The following ADAMTS7 variants were observed in gnomAD, a reference collection of about 807,000 sequenced individuals.
ADAMTS7 encodes ADAM metallopeptidase with thrombospondin type 1 motif 7.
A neutral mutation model predicts 172.6 loss-of-function variants in ADAMTS7; 89 were observed. The observed-to-expected ratio is 0.52, with a 90% confidence interval of 0.43 to 0.61. ADAMTS7 has a LOEUF of 0.61. ADAMTS7 is among the 20% of genes least tolerant of loss of function. The pLI is 0.00. For synonymous variants in ADAMTS7, 885 were observed against 978.4 expected (o/e 0.90, Z 1.78); for missense variants, 1,973 against 2,355.6 (o/e 0.84, Z 3.36).
rs1475383517 is a variant in ADAMTS7, at chr15:78,764,953, T to C, written c.4267-246A>G. The C allele has an allele frequency of 5.3e-5, 23 of 437,396 alleles. No homozygotes were observed. The Admixed American group carries it at 8.7e-4, about 17-fold the overall frequency. 27.1% of individuals were successfully genotyped at this position (437,396 alleles called of 1,614,324 possible). A position where few individuals can be genotyped will look rare whatever the true frequency, so the allele number is the denominator to read the frequency against. On this transcript the variant is annotated intron_variant, in intron 19 of 23. Transcript: ENST00000388820. ...ATGGGACAAAGGGCCTGTGTTCCAG[T>C]GTCATTGGTGCAGAGGTGGGGGGAG...
Position 78,791,124 on chromosome 15 carries a change from C to T in ADAMTS7, c.903+16G>A. ...GAAGCCATTGCCGGGCAGCGTGGGA[C>T]CACATGACCACTCACCTCCTCATCT... On this transcript the variant is annotated intron_variant, in intron 5 of 23. Coordinates refer to ENST00000388820, the MANE Select transcript of ADAMTS7 (RefSeq NM_014272.5). 1 of 1,610,664 alleles carries T rather than the reference C, an allele frequency of 6.2e-7. No individual in the cohort carries two copies. Among genetic ancestry groups the T allele is most frequent in the Non-Finnish European group, 8.5e-7 (1 of 1,178,226 alleles).
intron 1 of ADAMTS7, among the ~76,000 whole-genome samples, chr15:78,809,697 T>C (rs1212541074): frequency 6.6e-6 from 1 of 152,178 alleles, no homozygotes; most frequent in East Asian, 1.9e-4. Flanking sequence ...GAGGGAAGCA[T>C]TTTCCTGCTC....
intron 4 of ADAMTS7, among the ~76,000 whole-genome samples, chr15:78,795,578 G>T (rs1002524700): frequency 6.6e-6 from 1 of 152,198 alleles, no homozygotes; most frequent in South Asian, 2.1e-4. Flanking sequence ...GTTGCAGGAG[G>T]TGAGGGGCTG....
At chr15:78,796,333 C>A (rs555470110) in intron 4 of ADAMTS7, among the ~76,000 whole-genome samples, 2 of 152,268 alleles carry the variant, frequency 1.3e-5, no homozygotes, top group Admixed American at 6.5e-5. Flanking sequence ...CAGTCTCCCA[C>A]TCCTGCTCCC....
intron 1 of ADAMTS7, 69 bp from the exon 2 acceptor site, chr15:78,800,616 A>C: frequency 6.8e-7 from 1 of 1,470,934 alleles, no homozygotes; most frequent in Non-Finnish European, 9.3e-7. Flanking sequence ...GCCGGGGACC[A>C]GAAGGGAGCG....
intron 1 of ADAMTS7, among the ~76,000 whole-genome samples, chr15:78,801,496 T>C (rs1268813409): frequency 6.6e-6 from 1 of 152,212 alleles, no homozygotes; most frequent in Non-Finnish European, 1.5e-5. Flanking sequence ...TGAGGCCTCC[T>C]CTAACGACTT....
At position 78,771,272 on chromosome 15, in the gene ADAMTS7, T is replaced by C. The variant is rs2055244358; in HGVS notation, c.2408A>G (p.His803Arg). The C allele has an allele frequency of 1.2e-6, 2 of 1,612,820 alleles. No homozygotes were observed. Among genetic ancestry groups the C allele is most frequent in the Non-Finnish European group, 1.7e-6 (2 of 1,179,746 alleles). The change falls in exon 16 of 24, where the codon CAC becomes CGC. Residue 803 changes from histidine to arginine, a missense_variant. Transcript: ENST00000388820. The surrounding 1 kb of genome is among the most constrained non-coding windows in gnomAD (Gnocchi z 4.9). ...LLFQESNPGV[H>R]YEYTIHREAG... ...CTCCCTGTGGATGGTGTACTCGTAG[T>C]GCACCCCAGGGTTGCTCTCCTGGAA... is the stretch of plus-strand genomic sequence containing the variant.
chr15:78,795,269 G>T (rs2055628140), intron 4 of ADAMTS7, among the ~76,000 whole-genome samples: 1 of 152,236 alleles, frequency 6.6e-6, no homozygotes, highest in Admixed American at 6.5e-5. Context: ...CTGGCTGTTA[G>T]TGGCTCCCCT....
chr15:78,774,739 G>A lies in ADAMTS7; in HGVS notation c.1761C>T (p.Cys587=), dbSNP rs746538598. Residue 587 remains cysteine (C), a synonymous_variant, in exon 12 of 24, where the codon TGC becomes TGT. Transcript: ENST00000388820. The stretch of plus-strand genomic sequence containing the variant: ...GGCCAGCAGGGCAGGCCTGCAGGTT[G>A]CAGAGGCGGAAGCGCTTGCGCTCAC... ...CVGERKRFRL[C]NLQACPAGRP... 6.2e-7 allele frequency: 1 copy of A among 1,611,514 alleles called. No homozygotes were observed. Among genetic ancestry groups the A allele is most frequent in the Admixed American group, 1.7e-5 (1 of 60,004 alleles).
Position 78,771,426 on chromosome 15 carries a change from G to C in ADAMTS7, c.2377-123C>G, listed in dbSNP as rs766612207. On this transcript the variant is annotated intron_variant, in intron 15 of 23. Transcript: ENST00000388820. This position sits in a 1 kb window ranked among gnomAD's most constrained non-coding sequence, Gnocchi z 4.9. ...CAAGATTGGGCCATTTTAAAGATGG[G>C]GAAACTGAGGTAGAGGCCGCAGCAG... 7.7e-6 allele frequency: 12 copies of C among 1,552,884 alleles called. No individual in the cohort carries two copies. The East Asian group carries it at 2.8e-4, about 37-fold the overall frequency.
intron 1 of ADAMTS7, among the ~76,000 whole-genome samples, chr15:78,800,861 C>T (rs2055715672): frequency 6.6e-6 from 1 of 152,192 alleles, no homozygotes. Context: ...CAACCTCCAC[C>T]TCAGGAGTAG....
At chr15:78,772,945 A>AC in intron 14 of ADAMTS7, 138 bp downstream of exon 14, 1 of 1,169,040 alleles carries the variant, frequency 8.6e-7, no homozygotes, top group Non-Finnish European at 1.2e-6. Context: ...GCAAGAATCC[A>AC]CCCCAGCAAG....
intron 4 of ADAMTS7, among the ~76,000 whole-genome samples, chr15:78,794,706 T>C (rs578131665): frequency 1.3e-5 from 2 of 152,080 alleles, no homozygotes; most frequent in Admixed American, 1.3e-4. Context: ...GTTGGGCAGG[T>C]CTTTTTTTGT....
At chr15:78,790,592 C>A in intron 6 of ADAMTS7, 78 bp downstream of exon 6, 2 of 1,577,438 alleles carry the variant, frequency 1.3e-6, no homozygotes, top group Non-Finnish European at 8.6e-7. Context: ...ACGGCCCCCT[C>A]CTCCACCAGG....
At chr15:78,768,095 T>TGGGGTGGGGCGTTGGCGGGGGATG in intron 17 of ADAMTS7, 38 bp downstream of exon 17, 1 of 622,724 alleles carries the variant, frequency 1.6e-6, no homozygotes, top group Non-Finnish European at 2.1e-6. Flanking sequence ...TGGCGGGGGA[T>TGGGGTGGGGCGTTGGCGGGGGATG]GGGGTGGGGA....
intron 8 of ADAMTS7, among the ~76,000 whole-genome samples, chr15:78,778,681 T>C (rs573350909): frequency 8.9e-4 from 135 of 152,208 alleles, no homozygotes; most frequent in Middle Eastern, 3.4e-3. Context: ...CTGGGGCCTC[T>C]AGCCAGGCAG....
intron 1 of ADAMTS7, among the ~76,000 whole-genome samples, chr15:78,810,191 T>C (rs1338425240): frequency 6.6e-6 from 1 of 152,192 alleles, no homozygotes; most frequent in Non-Finnish European, 1.5e-5. Context: ...CACGCCCTTC[T>C]AGCTCATCCA....
rs750249007 is a variant in ADAMTS7 at position 78,766,109 on chromosome 15, A to C, written c.3802T>G (p.Trp1268Gly). Residue 1268 changes from tryptophan to glycine, a missense_variant, in exon 19 of 24, where the codon TGG becomes GGG. Transcript: ENST00000388820. Reference protein sequence around the residue: ...AELWTGGTVAWEPALEGGLGP... With the variant: ...AELWTGGTVAGEPALEGGLGP... Reference sequence around the variant, plus strand: ...AGGCCACCCTCCAGAGCTGGCTCCCAGGCCACTGTGCCTCCTGTCCACAGC... The same window carrying C: ...AGGCCACCCTCCAGAGCTGGCTCCCCGGCCACTGTGCCTCCTGTCCACAGC... 9 of 1,611,146 alleles carry C rather than the reference A, an allele frequency of 5.6e-6. No individual in the cohort carries two copies. The South Asian group carries it at 9.9e-5, about 18-fold the overall frequency.
chr15:78,782,902 C>T lies in ADAMTS7; in HGVS notation c.1323-5314G>A, dbSNP rs568316635. The stretch of plus-strand genomic sequence containing the variant: ...ACCCAGCAGAGGGCCGGGGATCACT[C>T]CCTGGGGAGGGTGAACCAGGAGGCT... On this transcript the variant is annotated intron_variant, in intron 8 of 23. Coordinates refer to ENST00000388820, the MANE Select transcript of ADAMTS7 (RefSeq NM_014272.5). 3.8e-3 allele frequency among the ~76,000 whole-genome samples: 579 copies of T among 152,070 alleles called. 2 individuals are homozygous for T. The highest frequency in any genetic ancestry group is 0.02 in the East Asian group (102 of 5,164).
Sources: allele counts gnomAD v4.1 joint callset (sites outside exome capture counted in the v4.1 genomes callset), GRCh38; gene constraint gnomAD v4.1.1; non-coding constraint Gnocchi (gnomAD v3.1); transcripts MANE v1.5; gene names NCBI Gene and HGNC (gene_info 2026-07-23, HGNC 2026-07-21).